SESN1: variants seen among roughly 807,000 people sequenced by gnomAD.
The protein encoded by SESN1 is sestrin-1.
In SESN1, 30 loss-of-function variants were observed where a neutral mutation model predicts 59.3. The observed-to-expected ratio is 0.51, with a 90% CI of 0.38 to 0.69. The LOEUF (loss-of-function observed/expected upper bound fraction) is 0.69, where lower values mean the gene tolerates loss of function less well. Ranked by LOEUF, SESN1 falls within the 30% of genes least tolerant of loss-of-function variation. SESN1 has a pLI of 0.00. For synonymous variants in SESN1, 197 were observed against 219.9 expected, an observed-to-expected ratio of 0.90 and a Z score of 0.92; for missense variants, 566 against 673.0, an observed-to-expected ratio of 0.84 and a Z score of 1.76.
intron 8 of SESN1, among the ~76,000 whole-genome samples, chr6:108,989,346 A>G (rs531783349): frequency 4.1e-4 from 62 of 152,210 alleles, no homozygotes; most frequent in African/African-American, 1.5e-3. Context: ...CGAAATTAAG[A>G]AACAAATTAA....
intron 1 of SESN1, among the ~76,000 whole-genome samples, chr6:109,085,515 TCACACACACACA>T (rs59793015): frequency 1.3e-5 from 2 of 148,414 alleles, no homozygotes; most frequent in East Asian, 2.0e-4. Flanking sequence ...TGACACTCCG[TCACACACACACA>T]CACACACACA....
At chr6:109,047,499 C>T (rs780174701) in intron 1 of SESN1, among the ~76,000 whole-genome samples, 6,547 of 116,266 alleles carry the variant, frequency 0.056, 201 homozygotes, top group African/African-American at 0.16. Context: ...CCCGGCCAGC[C>T]GCCCCGTCCG....
At chr6:109,091,816 C>G (rs564747077) in intron 1 of SESN1, among the ~76,000 whole-genome samples, 76 of 152,302 alleles carry the variant, frequency 5.0e-4, no homozygotes, top group Non-Finnish European at 8.7e-4. Flanking sequence ...TAACTGCAAG[C>G]ATAAATGAAT....
chr6:109,049,345 T>G (rs1181861287), intron 1 of SESN1, among the ~76,000 whole-genome samples: 3 of 149,966 alleles, frequency 2.0e-5, no homozygotes, highest in Non-Finnish European at 3.0e-5. Context: ...CTCATGGAAG[T>G]AAAAGGTAGA....
rs1273995657 is a variant in SESN1, at chr6:108,992,882, G to A, written c.1138C>T (p.Pro380Ser). Residue 380 changes from proline to serine, a missense_variant, in exon 7 of 10, where the codon CCA (proline) becomes TCA (serine). By Grantham distance (74) the Pro-to-Ser change is moderately conservative. Coordinates refer to ENST00000436639, the MANE Select transcript of SESN1 (RefSeq NM_014454.3). ...VFSSDDEEVT[P>S]ARAVSRHFED... ...AAATGACGAGATACAGCTCTTGCTG[G>A]TGTAACTTCTTCATCATCTGGGAAA... is the stretch of plus-strand genomic sequence containing the variant. 3 of 1,610,712 alleles carry A rather than the reference G, an allele frequency of 1.9e-6. No individual in the cohort carries two copies. The highest frequency in any genetic ancestry group is 3.3e-5 in the Admixed American group (2 of 59,728).
intron 1 of SESN1, among the ~76,000 whole-genome samples, chr6:109,010,083 A>G (rs1779831274): frequency 6.6e-6 from 1 of 152,192 alleles, no homozygotes; most frequent in Admixed American, 6.5e-5. Flanking sequence ...CGTAAAAGCT[A>G]TAAATATCAC....
chr6:109,052,327 A>C (rs1334259948), intron 1 of SESN1, among the ~76,000 whole-genome samples: 1 of 152,220 alleles, frequency 6.6e-6, no homozygotes, highest in Non-Finnish European at 1.5e-5. Flanking sequence ...ATTATAAAGC[A>C]ATGTTTTACT....
intron 1 of SESN1, among the ~76,000 whole-genome samples, chr6:109,069,475 C>T (rs1046268499): frequency 6.6e-6 from 1 of 151,946 alleles, no homozygotes; most frequent in Non-Finnish European, 1.5e-5. Context: ...TCAACTGTAA[C>T]AAAATCTGAG....
intron 4 of SESN1, among the ~76,000 whole-genome samples, chr6:108,999,736 G>A (rs1779574879): frequency 6.6e-6 from 1 of 152,048 alleles, no homozygotes; most frequent in Non-Finnish European, 1.5e-5. Context: ...GGTAAACGTA[G>A]GCTTACCGTA....
intron 1 of SESN1, among the ~76,000 whole-genome samples, chr6:109,078,179 C>T (rs1038906802): frequency 6.6e-6 from 1 of 151,824 alleles, no homozygotes; most frequent in Non-Finnish European, 1.5e-5. Flanking sequence ...ACAATAAGTT[C>T]GTGACCAGCC....
chr6:108,998,432 C>G, intron 5 of SESN1, 81 bp downstream of exon 5: 1 of 1,555,128 alleles, frequency 6.4e-7, no homozygotes, highest in Non-Finnish European at 8.7e-7. Flanking sequence ...GTGGGTTTTT[C>G]TAAGAAGCCA....
At chr6:108,996,734 G>A (rs1779509160) in intron 5 of SESN1, among the ~76,000 whole-genome samples, 1 of 152,074 alleles carries the variant, frequency 6.6e-6, no homozygotes, top group Non-Finnish European at 1.5e-5. Context: ...TCTTGGGTAT[G>A]TCTTTATTAG....
At chr6:109,008,885 T>C in intron 1 of SESN1, 3 of 986,346 alleles carry the variant, frequency 3.0e-6, no homozygotes, top group Non-Finnish European at 3.6e-6. Flanking sequence ...GTGTTTTTTT[T>C]CTTTCTCTCT....
intron 1 of SESN1, among the ~76,000 whole-genome samples, chr6:109,041,411 C>A (rs1780340967): frequency 6.6e-6 from 1 of 152,132 alleles, no homozygotes; most frequent in Non-Finnish European, 1.5e-5. Flanking sequence ...ATCTACCAAA[C>A]ATACTTGTAC....
At chr6:109,089,616 A>C (rs1781275031) in intron 1 of SESN1, among the ~76,000 whole-genome samples, 1 of 152,228 alleles carries the variant, frequency 6.6e-6, no homozygotes, top group Non-Finnish European at 1.5e-5. Flanking sequence ...CTAAAACAGC[A>C]GTCATTTTTC....
At chr6:109,058,464 T>C (rs909961628) in intron 1 of SESN1, among the ~76,000 whole-genome samples, 1 of 152,196 alleles carries the variant, frequency 6.6e-6, no homozygotes, top group African/African-American at 2.4e-5. Context: ...GTACACTCTG[T>C]GATGTTTGCC....
At position 108,984,710 on chromosome 6, in the gene SESN1, A is replaced by ATTGT. The variant is rs1393429474; in HGVS notation, c.*2830_*2833dup. On this transcript the variant is annotated 3_prime_UTR_variant, in exon 10 of 10. Coordinates refer to ENST00000436639, the MANE Select transcript of SESN1 (RefSeq NM_014454.3). ...ATTGTTAAATTTTTTTGGATCATTC[A>ATTGT]TTGTTAGTGTATAGAAATACAACTG... 2.0e-5 allele frequency among the ~76,000 whole-genome samples: 3 copies of ATTGT among 152,136 alleles called. No individual in the cohort carries two copies. The highest frequency in any genetic ancestry group is 4.8e-5 in the African/African-American group (2 of 41,428).
intron 1 of SESN1, among the ~76,000 whole-genome samples, chr6:109,067,460 T>C (rs1268751080): frequency 6.6e-6 from 1 of 152,228 alleles, no homozygotes; most frequent in Non-Finnish European, 1.5e-5. Context: ...CTAAGTAAGA[T>C]AACTGTCCTC....
At position 108,987,749 on chromosome 6, in the gene SESN1, C is replaced by A. The variant is rs4509156; in HGVS notation, c.1570-119G>T. 0.11 allele frequency: 55,826 copies of A among 506,242 alleles called. 3,383 individuals carry two copies. Among genetic ancestry groups the A allele is most frequent in the Middle Eastern group, 0.17 (347 of 2,068 alleles). The allele number at this position is 506,242 out of a possible 1,614,324, so 31.4% of individuals were successfully genotyped here. On this transcript the variant is annotated intron_variant, in intron 9 of 9. Coordinates refer to ENST00000436639, the MANE Select transcript of SESN1 (RefSeq NM_014454.3). ...TTCCTACACTTCCTATGTAGTACAG[C>A]ATAACTTAGCCTTGGGTTTGTTGAA...
Sources: allele counts gnomAD v4.1 joint callset (sites outside exome capture counted in the v4.1 genomes callset), GRCh38; gene constraint gnomAD v4.1.1; transcripts MANE v1.5; gene names NCBI Gene and HGNC (gene_info 2026-07-23, HGNC 2026-07-21).